TUBGCP6: variants seen among roughly 807,000 people sequenced by gnomAD.
TUBGCP6 encodes tubulin gamma complex component 6.
A neutral mutation model predicts 175.8 loss-of-function variants in TUBGCP6; 161 were observed. The observed-to-expected ratio is 0.92, with a 90% CI of 0.81 to 1.04. The LOEUF (loss-of-function observed/expected upper bound fraction) is 1.04. Among genes scored for constraint, TUBGCP6 ranks in the 50% least tolerant of loss-of-function variants. The probability of loss-of-function intolerance (pLI) is 0.00; values close to 1 mark genes in which losing one functional copy is unlikely to be tolerated. For synonymous variants in TUBGCP6, 1,173 were observed against 1,030.5 expected (o/e 1.14, Z -2.65); for missense variants, 2,572 against 2,433.0 (o/e 1.06, Z -1.20).
intron 3 of TUBGCP6, among the ~76,000 whole-genome samples, chr22:50,232,326 A>G (rs930195134): frequency 2.0e-5 from 3 of 151,694 alleles, no homozygotes; most frequent in African/African-American, 4.9e-5. Flanking sequence ...AGACCGTGCC[A>G]TTACACTCCA....
chr22:50,221,220 G>T lies in TUBGCP6; in HGVS notation c.3139C>A (p.Arg1047=), dbSNP rs538652140. The change falls in exon 16 of 25, where the codon CGG becomes AGG. Residue 1047 remains arginine, a synonymous_variant. Coordinates refer to ENST00000248846, the MANE Select transcript of TUBGCP6 (RefSeq NM_020461.4). ...GDYASEIAPT[R]PRWNTHGHVS... ...TGCCCGTGGGTGTTCCACCGTGGCC[G>T]GGTGGGAGCTATTTCAGAAGCGTAG... 6 of 1,613,972 alleles carry T rather than the reference G, an allele frequency of 3.7e-6. No individual in the cohort carries two copies. Among genetic ancestry groups the T allele is most frequent in the Non-Finnish European group, 4.2e-6 (5 of 1,180,026 alleles).
At chr22:50,230,354 C>G (rs1000596321) in intron 3 of TUBGCP6, among the ~76,000 whole-genome samples, 1 of 152,076 alleles carries the variant, frequency 6.6e-6, no homozygotes, top group African/African-American at 2.4e-5. Flanking sequence ...CGCCTGTAAT[C>G]CCAGCACTTC....
At chr22:50,219,524 G>C in intron 18 of TUBGCP6, 68 bp from the exon 19 acceptor site, 5 of 1,587,528 alleles carry the variant, frequency 3.1e-6, no homozygotes, top group Non-Finnish European at 4.3e-6. Context: ...ATCCACAGGA[G>C]ATGGAGCACG....
chr22:50,226,005 G>A (rs965495184), intron 9 of TUBGCP6, 45 bp downstream of exon 9: 1 of 1,613,398 alleles, frequency 6.2e-7, no homozygotes, highest in Non-Finnish European at 8.5e-7. Context: ...CTCAGCCCCA[G>A]GGAAGACCGG....
In TUBGCP6 at chr22:50,244,421, C is replaced by T. The variant is rs931315787; in HGVS notation, c.39G>A (p.Glu13=). The T allele has an allele frequency of 1.9e-6, 3 of 1,612,938 alleles. No homozygotes were observed. The highest frequency in any genetic ancestry group is 2.5e-6 in the Non-Finnish European group (3 of 1,179,940). The change falls in exon 1 of 25, where the codon GAG becomes GAA. Residue 13 remains glutamate (E), a synonymous_variant. Coordinates refer to ENST00000248846, the MANE Select transcript of TUBGCP6 (RefSeq NM_020461.4). ...SITQLFDDLC[E]ALLPAAKTHL... is the part of the protein sequence containing the mutation. ...GAGTCTTGGCAGCCGGCAGGAGGGCCTCACACAGGTCGTCGAACAGCTGCG... is the reference window on the plus strand; with the variant it reads ...GAGTCTTGGCAGCCGGCAGGAGGGCTTCACACAGGTCGTCGAACAGCTGCG...
At chr22:50,228,143 C>A in intron 4 of TUBGCP6, 115 bp from the exon 5 acceptor site, 3 of 1,287,166 alleles carry the variant, frequency 2.3e-6, no homozygotes, top group Non-Finnish European at 2.1e-6. Context: ...CAGCTCTGGG[C>A]TCCATTTCCA....
intron 6 of TUBGCP6, 23 bp downstream of exon 6, chr22:50,226,976 C>T: frequency 1.9e-6 from 3 of 1,608,272 alleles, no homozygotes; most frequent in South Asian, 1.1e-5. Flanking sequence ...GGCTGACACA[C>T]TCGGCAGGGA....
rs147152051 is a variant in TUBGCP6, at chr22:50,221,289, G to A, written c.3070C>T (p.Arg1024Trp). Reference protein sequence around the residue: ...LEEGSSQPTERLFGQVSGGGL... With the variant: ...LEEGSSQPTEWLFGQVSGGGL... Reference sequence around the variant, plus strand: ...CCCCCTGACACCTGCCCAAAGAGCCGCTCTGTGGGCTGGCTGCTCCCCTCC... The same window carrying A: ...CCCCCTGACACCTGCCCAAAGAGCCACTCTGTGGGCTGGCTGCTCCCCTCC... The change falls in exon 16 of 25, where the codon CGG (arginine) becomes TGG (tryptophan). Residue 1024 changes from arginine to tryptophan, a missense_variant. Physicochemically the swap from Arg to Trp is moderately radical, Grantham distance 101. Transcript: ENST00000248846. The A allele has an allele frequency of 1.2e-5, 20 of 1,613,838 alleles. No homozygotes were observed. The highest frequency in any genetic ancestry group is 3.3e-5 in the South Asian group (3 of 91,090).
chr22:50,218,132 T>C lies in TUBGCP6; in HGVS notation c.5169-15A>G. 1 of 1,611,136 alleles carries C rather than the reference T, an allele frequency of 6.2e-7. No homozygotes were observed. The highest frequency in any genetic ancestry group is 8.5e-7 in the Non-Finnish European group (1 of 1,179,000). On this transcript the variant is annotated splice_polypyrimidine_tract_variant and intron_variant, in intron 23 of 24. Coordinates refer to ENST00000248846, the MANE Select transcript of TUBGCP6 (RefSeq NM_020461.4). Reference sequence around the variant, plus strand: ...TGAGCAGGCCCCTGGGGGGAAGCAGTGCTGCTGGGTGGGCTGAGCCGTGAC... The same window carrying C: ...TGAGCAGGCCCCTGGGGGGAAGCAGCGCTGCTGGGTGGGCTGAGCCGTGAC...
rs373946214 is a variant in TUBGCP6, at chr22:50,224,122, G to A, written c.2270+19C>T. On this transcript the variant is annotated intron_variant, in intron 13 of 24. Transcript: ENST00000248846. ...CCTGCCGCACTGCACCCCTGGGCCTGGAGCCCGGGCTGCCCTACCTCGCCT... is the reference window on the plus strand; with the variant it reads ...CCTGCCGCACTGCACCCCTGGGCCTAGAGCCCGGGCTGCCCTACCTCGCCT... 3.7e-6 allele frequency: 6 copies of A among 1,608,772 alleles called. No individual in the cohort carries two copies. The highest frequency in any genetic ancestry group is 4.2e-6 in the Non-Finnish European group (5 of 1,178,050).
chr22:50,218,943 C>T (rs1391297312), intron 20 of TUBGCP6, 46 bp from the exon 21 acceptor site: 4 of 1,589,620 alleles, frequency 2.5e-6, no homozygotes, highest in Non-Finnish European at 3.4e-6. Context: ...CAAGCACATG[C>T]CTGGCACTCG....
intron 2 of TUBGCP6, among the ~76,000 whole-genome samples, chr22:50,238,208 G>A (rs1418428567): frequency 6.6e-6 from 1 of 151,850 alleles, no homozygotes; most frequent in East Asian, 1.9e-4. Context: ...GTTTGTTTAG[G>A]ATGAAAGGAG....
rs2064899157 is a variant in TUBGCP6 at position 50,244,797 on chromosome 22, T to C, written c.-338A>G. 1 of 289,642 alleles carries C rather than the reference T, an allele frequency of 3.5e-6. No individual in the cohort carries two copies. Among genetic ancestry groups the C allele is most frequent in the South Asian group, 4.8e-5 (1 of 21,020 alleles). 17.9% of individuals were successfully genotyped at this position (289,642 alleles called of 1,614,324 possible). On this transcript the variant is annotated 5_prime_UTR_variant, in exon 1 of 25. Coordinates refer to ENST00000248846, the MANE Select transcript of TUBGCP6 (RefSeq NM_020461.4). ...AAGAACGAAACGCGCGCCCGCGCAG[T>C]ACAGCGGACGAACTCGGCTTTGCAC... is the stretch of plus-strand genomic sequence containing the variant.
chr22:50,244,492 G>A lies in TUBGCP6; in HGVS notation c.-33C>T. 6.3e-7 allele frequency: 1 copy of A among 1,577,970 alleles called. No individual in the cohort carries two copies. The highest frequency in any genetic ancestry group is 8.6e-7 in the Non-Finnish European group (1 of 1,163,658). On this transcript the variant is annotated 5_prime_UTR_variant, in exon 1 of 25. Transcript: ENST00000248846. ...CTCAGCTCCGGGCCCCCGGCGTGTG[G>A]GAAAACACCTCACCCGGGCTTCACT...
In TUBGCP6 at chr22:50,233,385, C is replaced by T. The variant is rs750202143; in HGVS notation, c.1047G>A (p.Glu349=). Residue 349 remains glutamate (E), a synonymous_variant, in exon 3 of 25, where the codon GAG becomes GAA. Transcript: ENST00000248846. ...TCAGCACGTCTTTCACCAGCTCGCA[C>T]TCCTTCACCAGCACGGGCTGCGGGG... The part of the protein sequence containing the change: ...LQAPQPVLVK[E]CELVKDVLNV... The T allele has an allele frequency of 4.3e-5, 69 of 1,613,956 alleles. No individual in the cohort carries two copies. The Middle Eastern group carries it at 1.3e-3, about 31-fold the overall frequency.
chr22:50,226,671 G>A (rs375763221), intron 7 of TUBGCP6, 62 bp downstream of exon 7: 70 of 1,368,882 alleles, frequency 5.1e-5, no homozygotes, highest in East Asian at 3.5e-4. Flanking sequence ...ACAAGGGACC[G>A]CTCTCAAGTG....
At position 50,224,417 on chromosome 22, in the gene TUBGCP6, C is replaced by T. The variant is rs545237057; in HGVS notation, c.2069G>A (p.Arg690Gln). ...ASRVLSALSDRQMSERMALDA... is the reference protein window; with the variant it reads ...ASRVLSALSDQQMSERMALDA... ...CAAGGCCATCCGTTCTGACATCTGCCGGTCTACATTGGGACAGTAAGGGGC... is the reference window on the plus strand; with the variant it reads ...CAAGGCCATCCGTTCTGACATCTGCTGGTCTACATTGGGACAGTAAGGGGC... The change falls in exon 12 of 25, where the codon CGG becomes CAG. Residue 690 changes from arginine to glutamine, a missense_variant. Coordinates refer to ENST00000248846, the MANE Select transcript of TUBGCP6 (RefSeq NM_020461.4). The T allele has an allele frequency of 1.5e-5, 24 of 1,614,042 alleles. No homozygotes were observed. The highest frequency in any genetic ancestry group is 1.6e-4 in the Middle Eastern group (1 of 6,084).
chr22:50,239,328 C>G (rs1411091816), intron 2 of TUBGCP6, among the ~76,000 whole-genome samples: 2 of 152,112 alleles, frequency 1.3e-5, no homozygotes, highest in Non-Finnish European at 2.9e-5. Flanking sequence ...AAGCGAGCAC[C>G]ACCACGCCCA....
intron 4 of TUBGCP6, 128 bp from the exon 5 acceptor site, chr22:50,228,156 C>T (rs1435667981): frequency 8.7e-7 from 1 of 1,150,878 alleles, no homozygotes; most frequent in African/African-American, 1.6e-5. Context: ...CATTTCCAAG[C>T]AATGGGCCTC....
Sources: gnomAD v4.1 joint callset for allele counts (sites outside exome capture counted in the v4.1 genomes callset) on GRCh38, gnomAD v4.1.1 for gene constraint, MANE v1.5 for transcripts, NCBI Gene and HGNC (gene_info 2026-07-23, HGNC 2026-07-21) for gene names.